The following STK32B variants were observed in gnomAD, a reference collection of about 807,000 sequenced individuals.
STK32B encodes the protein serine/threonine kinase 32B.
Under a neutral mutation model 52.6 loss-of-function variants are expected in STK32B, and 43 were observed. The ratio of observed to expected loss-of-function variants is 0.82; its 90% CI spans 0.64 to 1.05. STK32B has a LOEUF of 1.05. STK32B is among the 50% of genes least tolerant of loss of function. The pLI is 0.00. For missense variants in STK32B, 621 were observed against 534.6 expected (o/e 1.16, Z -1.59); for synonymous variants, 238 against 204.3 (o/e 1.17, Z -1.41).
chr4:5,083,740 A>ATT (rs34158437), intron 1 of STK32B, among the ~76,000 whole-genome samples: 3,995 of 144,212 alleles, frequency 0.028, 163 homozygotes, highest in African/African-American at 0.093. Flanking sequence ...TCTGTTACCT[A>ATT]TTTTTTTTTT....
In STK32B at chr4:5,289,259, A is replaced by G. The variant is rs146558415; in HGVS notation, c.261-41961A>G. Among the ~76,000 whole-genome samples, 662 of 152,330 alleles carry G rather than the reference A, an allele frequency of 4.3e-3. 25 individuals are homozygous for G. The highest frequency in any genetic ancestry group is 0.041 in the Admixed American group (620 of 15,302). On this transcript the variant is annotated intron_variant, in intron 3 of 11. Transcript: ENST00000282908. ...CATAGAAAAAGCATAAGTGTGGTAT[A>G]AGAGATGAAAAATGGCACACCTGTA...
At chr4:5,171,134 G>T (rs1292358325) in intron 3 of STK32B, among the ~76,000 whole-genome samples, 1 of 151,856 alleles carries the variant, frequency 6.6e-6, no homozygotes, top group South Asian at 2.1e-4. Flanking sequence ...CATATCCTTT[G>T]CCCACTTTTT....
intron 3 of STK32B, among the ~76,000 whole-genome samples, chr4:5,203,860 G>T (rs150459876): frequency 4.6e-5 from 7 of 152,248 alleles, no homozygotes; most frequent in Middle Eastern, 6.8e-3. Context: ...CTGCAGAGAT[G>T]CAAGTGCCTG....
At chr4:5,420,277 A>G (rs1295733170) in intron 6 of STK32B, among the ~76,000 whole-genome samples, 1 of 152,200 alleles carries the variant, frequency 6.6e-6, no homozygotes, top group Non-Finnish European at 1.5e-5. Flanking sequence ...TCATTCACTT[A>G]TAAGTAGTCT....
intron 6 of STK32B, chr4:5,437,835 C>T: frequency 1.2e-6 from 1 of 847,042 alleles, no homozygotes; most frequent in African/African-American, 1.8e-5. Flanking sequence ...CTGTGTAGTT[C>T]TCTCACGTCT....
chr4:5,276,557 G>C (rs1022892732), intron 3 of STK32B, among the ~76,000 whole-genome samples: 8 of 152,040 alleles, frequency 5.3e-5, no homozygotes, highest in African/African-American at 1.7e-4. Context: ...TCATGTTGCA[G>C]ATTCTTTGCT....
the STK32B span, among the ~76,000 whole-genome samples, chr4:5,030,580 T>G: frequency 6.6e-6 from 1 of 152,154 alleles, no homozygotes; most frequent in Non-Finnish European, 1.5e-5. Flanking sequence ...GCAATCCTCA[T>G]AAAAACCTTA....
intron 3 of STK32B, among the ~76,000 whole-genome samples, chr4:5,187,738 G>A (rs1221187620): frequency 1.3e-5 from 2 of 152,140 alleles, no homozygotes; most frequent in African/African-American, 4.8e-5. Context: ...TGAAGATTTA[G>A]CATTTGATTA....
intron 6 of STK32B, chr4:5,436,557 G>T (rs776951972): frequency 1.0e-6 from 1 of 984,540 alleles, no homozygotes; most frequent in African/African-American, 1.7e-5. Flanking sequence ...GGTCTCTCTG[G>T]GTCCAGAGGC....
intron 11 of STK32B, among the ~76,000 whole-genome samples, chr4:5,473,885 C>T (rs1718030003): frequency 6.6e-6 from 1 of 152,126 alleles, no homozygotes; most frequent in Admixed American, 6.5e-5. Flanking sequence ...GAGGCCGAGG[C>T]AGGTGGATCA....
chr4:5,417,743 TAACA>T (rs1284723653), intron 6 of STK32B, among the ~76,000 whole-genome samples: 1 of 152,268 alleles, frequency 6.6e-6, no homozygotes, highest in African/African-American at 2.4e-5. Flanking sequence ...AATTACTGTG[TAACA>T]AACTGTGTCA....
In STK32B at chr4:5,053,807, C is replaced by T. The variant is rs547433708; in HGVS notation, c.52+1892C>T. Among the ~76,000 whole-genome samples, 8 of 136,732 alleles carry T rather than the reference C, an allele frequency of 5.9e-5. No homozygotes were observed. In the East Asian group the frequency reaches 1.5e-3, roughly 26 times the overall value. The allele number at this position is 136,732 out of a possible 152,430, so 89.7% of individuals were successfully genotyped here. Reference sequence around the variant, plus strand: ...CTGCCTGGCCAACATGATGAAACCCCGACTCTACTAAAAATACAAAAATTA... The same window carrying T: ...CTGCCTGGCCAACATGATGAAACCCTGACTCTACTAAAAATACAAAAATTA... On this transcript the variant is annotated intron_variant, in intron 1 of 11. Transcript: ENST00000282908.
At chr4:5,127,217 C>A in intron 1 of STK32B, 1 of 457,480 alleles carries the variant, frequency 2.2e-6, no homozygotes. Context: ...TACAGTTGAG[C>A]GTCCCAGAAA....
intron 3 of STK32B, among the ~76,000 whole-genome samples, chr4:5,168,700 G>A (rs1005116360): frequency 4.6e-5 from 7 of 152,200 alleles, no homozygotes; most frequent in African/African-American, 1.4e-4. Flanking sequence ...AGTGTTTTGC[G>A]TATTTGAGAA....
At chr4:5,088,038 G>A (rs1712834525) in intron 1 of STK32B, among the ~76,000 whole-genome samples, 1 of 151,986 alleles carries the variant, frequency 6.6e-6, no homozygotes, top group African/African-American at 2.4e-5. Flanking sequence ...TAGACCAAAT[G>A]TTTGACCATA....
At chr4:5,200,119 A>G (rs571948207) in intron 3 of STK32B, among the ~76,000 whole-genome samples, 5 of 152,264 alleles carry the variant, frequency 3.3e-5, no homozygotes, top group South Asian at 2.1e-4. Flanking sequence ...ATCATCTGTC[A>G]AATGGGAATA....
rs574712520 is a variant in STK32B, at chr4:5,182,217, C to G, written c.260+13767C>G. On this transcript the variant is annotated intron_variant, in intron 3 of 11. Transcript: ENST00000282908. ...AATTCTAGTTCTCTTGCTACTTACACCACATCTGCAGTAACTCCCTCCACT... is the reference window on the plus strand; with the variant it reads ...AATTCTAGTTCTCTTGCTACTTACAGCACATCTGCAGTAACTCCCTCCACT... Among the ~76,000 whole-genome samples the G allele has an allele frequency of 2.7e-3, 404 of 152,332 alleles. 2 individuals carry two copies. Among genetic ancestry groups the G allele is most frequent in the Non-Finnish European group, 5.2e-3 (351 of 68,034 alleles).
chr4:5,266,921 G>C lies in STK32B; in HGVS notation c.261-64299G>C, dbSNP rs189735116. 9.2e-5 allele frequency among the ~76,000 whole-genome samples: 14 copies of C among 152,228 alleles called. No individual in the cohort carries two copies. The East Asian group carries it at 2.5e-3, about 27-fold the overall frequency. ...TGTTCAACTCTAGCATCTTTTGCTT[G>C]AACCTTGATCATATACTTTAAAATA... is the stretch of plus-strand genomic sequence containing the variant. On this transcript the variant is annotated intron_variant, in intron 3 of 11. Transcript: ENST00000282908.
chr4:5,390,580 C>T (rs1736533104), intron 4 of STK32B, among the ~76,000 whole-genome samples: 1 of 152,170 alleles, frequency 6.6e-6, no homozygotes, highest in African/African-American at 2.4e-5. Flanking sequence ...TCTCTGTCTT[C>T]AGGTGGCCTT....
Sources: allele counts gnomAD v4.1 joint callset (sites outside exome capture counted in the v4.1 genomes callset), GRCh38; gene constraint gnomAD v4.1.1; transcripts MANE v1.5; gene names NCBI Gene and HGNC (gene_info 2026-07-23, HGNC 2026-07-21).